PLAA: variants seen among roughly 807,000 people sequenced by gnomAD.
PLAA encodes the protein phospholipase A2 activating protein.
PLAA carries 48 observed loss-of-function variants against 84.1 expected under a neutral mutation model. That is an observed-to-expected ratio of 0.57 (90% CI 0.45 to 0.73). The LOEUF is 0.73. PLAA is among the 30% of genes least tolerant of loss of function. The pLI is 0.00. For missense variants in PLAA, 903 were observed against 954.7 expected, an observed-to-expected ratio of 0.95 and a Z score of 0.71; for synonymous variants, 392 against 336.6, an observed-to-expected ratio of 1.16 and a Z score of -1.80.
intron 2 of PLAA, among the ~76,000 whole-genome samples, chr9:26,933,279 C>A (rs1239360726): frequency 4.3e-5 from 6 of 140,764 alleles, no homozygotes; most frequent in East Asian, 2.1e-4. Flanking sequence ...AAAAAAAAAA[C>A]CATAAAAAAG....
chr9:26,941,293 G>A (rs1321412385), intron 1 of PLAA, among the ~76,000 whole-genome samples: 1 of 151,876 alleles, frequency 6.6e-6, no homozygotes, highest in African/African-American at 2.4e-5. Context: ...TGAATGGGGG[G>A]ACATAAGGAT....
intron 1 of PLAA, among the ~76,000 whole-genome samples, chr9:26,944,243 G>A (rs1003674801): frequency 1.3e-5 from 2 of 152,120 alleles, no homozygotes; most frequent in African/African-American, 4.8e-5. Flanking sequence ...CTCTCAAGAT[G>A]CCGATACCTT....
At chr9:26,911,246 G>C (rs1013204393) in intron 11 of PLAA, among the ~76,000 whole-genome samples, 4 of 152,100 alleles carry the variant, frequency 2.6e-5, no homozygotes, top group African/African-American at 9.7e-5. Context: ...TCCACCTCCT[G>C]AGTTCAAGCA....
intron 11 of PLAA, among the ~76,000 whole-genome samples, chr9:26,912,268 G>C (rs1824422865): frequency 6.6e-6 from 1 of 152,168 alleles, no homozygotes; most frequent in Non-Finnish European, 1.5e-5. Context: ...TATGCCAAAA[G>C]AAAACAGTGA....
At chr9:26,911,175 CAG>C (rs1314236854) in intron 11 of PLAA, among the ~76,000 whole-genome samples, 1 of 151,990 alleles carries the variant, frequency 6.6e-6, no homozygotes, top group Non-Finnish European at 1.5e-5. Context: ...TTTTTTGAGA[CAG>C]AGTCACGCTC....
chr9:26,923,478 G>GTAATCAGCA, intron 6 of PLAA, 131 bp from the exon 7 acceptor site: 3 of 676,026 alleles, frequency 4.4e-6, no homozygotes, highest in Non-Finnish European at 7.5e-6. Flanking sequence ...ATTAATTGCT[G>GTAATCAGCA]ATTACAGCAC....
intron 2 of PLAA, among the ~76,000 whole-genome samples, chr9:26,933,359 C>T (rs377681326): frequency 6.6e-5 from 10 of 151,236 alleles, no homozygotes; most frequent in East Asian, 5.9e-4. Context: ...CGCTTCAACC[C>T]GGGAGGCAGT....
rs562582462 is a variant in PLAA at position 26,907,635 on chromosome 9, C to T, written c.1822+199G>A. Reference sequence around the variant, plus strand: ...ATATATGGGGATCATATATTACCTTCAGATTCTCAAAAGGCATGTAACGGA... The same window carrying T: ...ATATATGGGGATCATATATTACCTTTAGATTCTCAAAAGGCATGTAACGGA... On this transcript the variant is annotated intron_variant, in intron 13 of 13. Transcript: ENST00000397292. 60 of 526,350 alleles carry T rather than the reference C, an allele frequency of 1.1e-4. 1 individual carries two copies. The South Asian group carries it at 1.4e-3, about 12-fold the overall frequency. The allele number at this position is 526,350 out of a possible 1,614,324, so 32.6% of individuals were successfully genotyped here. A position where few individuals can be genotyped will look rare whatever the true frequency, so the allele number is the denominator to read the frequency against.
intron 10 of PLAA, chr9:26,915,939 T>C (rs1321765581): frequency 1.0e-6 from 1 of 985,344 alleles, no homozygotes; most frequent in African/African-American, 1.7e-5. Context: ...GAGAAAGCCA[T>C]CTTATCTACT....
intron 2 of PLAA, among the ~76,000 whole-genome samples, chr9:26,932,562 A>C (rs952370650): frequency 2.0e-5 from 3 of 152,242 alleles, no homozygotes; most frequent in African/African-American, 7.2e-5. Context: ...ATGGCCTGAA[A>C]AGCAGAAAAT....
At chr9:26,940,964 C>T in intron 1 of PLAA, among the ~76,000 whole-genome samples, 1 of 151,914 alleles carries the variant, frequency 6.6e-6, no homozygotes, top group Non-Finnish European at 1.5e-5. Flanking sequence ...CTAAATCTAC[C>T]CACTATGTGT....
Position 26,946,942 on chromosome 9 carries a change from A to G in PLAA, c.104T>C (p.Val35Ala), listed in dbSNP as rs1322137641. Residue 35 changes from valine (V) to alanine (A), a missense_variant, in exon 1 of 14, where the codon GTG becomes GCG. Coordinates refer to ENST00000397292, the MANE Select transcript of PLAA (RefSeq NM_001031689.3). ...VCCAYPPGAFVSVSRDRTTRL... is the reference protein window; with the variant it reads ...VCCAYPPGAFASVSRDRTTRL... Reference sequence around the variant, plus strand: ...GGTGGTGCGGTCTCGGGACACGGACACAAAGGCTCCCGGCGGATAGGCGCA... The same window carrying G: ...GGTGGTGCGGTCTCGGGACACGGACGCAAAGGCTCCCGGCGGATAGGCGCA... 6.3e-6 allele frequency: 10 copies of G among 1,587,194 alleles called. No homozygotes were observed. The East Asian group carries it at 6.9e-5, about 11-fold the overall frequency.
chr9:26,913,833 A>C, intron 11 of PLAA, 46 bp downstream of exon 11: 1 of 1,373,006 alleles, frequency 7.3e-7, no homozygotes, highest in African/African-American at 1.5e-5. Context: ...AGTTCCAACG[A>C]ATTTTTAAAA....
Position 26,913,867 on chromosome 9 carries a change from A to G in PLAA, c.1555+12T>C, listed in dbSNP as rs778225031. ...AATCTAAAAAAAAGAAAAAGAAATA[A>G]AAAGTATGTACCTGTAAATGGATCA... is the stretch of plus-strand genomic sequence containing the variant. On this transcript the variant is annotated intron_variant, in intron 11 of 13. Coordinates refer to ENST00000397292, the MANE Select transcript of PLAA (RefSeq NM_001031689.3). 3.2e-6 allele frequency: 5 copies of G among 1,550,596 alleles called. No individual in the cohort carries two copies. The highest frequency in any genetic ancestry group is 4.4e-6 in the Non-Finnish European group (5 of 1,142,404).
At chr9:26,938,478 G>C (rs1249828462) in intron 1 of PLAA, among the ~76,000 whole-genome samples, 2 of 151,714 alleles carry the variant, frequency 1.3e-5, no homozygotes, top group Non-Finnish European at 2.9e-5. Context: ...CTTGAGCCTG[G>C]GAGTTTGAGA....
intron 11 of PLAA, among the ~76,000 whole-genome samples, chr9:26,913,385 T>C (rs1025378149): frequency 6.6e-6 from 1 of 152,160 alleles, no homozygotes; most frequent in Non-Finnish European, 1.5e-5. Context: ...GAACTATAGC[T>C]ATTCCAGGCA....
At chr9:26,916,770 A>G in intron 10 of PLAA, 1 of 750,000 alleles carries the variant, frequency 1.3e-6, no homozygotes, top group South Asian at 5.4e-5. Context: ...TCTCATAGCA[A>G]GTAAGTGGTA....
At chr9:26,926,315 C>G (rs996196507) in intron 5 of PLAA, 78 bp downstream of exon 5, 168 of 893,856 alleles carry the variant, frequency 1.9e-4, no homozygotes, top group Non-Finnish European at 2.7e-4. Context: ...GTAATCAGCT[C>G]TCCTCCCTCC....
rs753300259 is a variant in PLAA at position 26,923,262 on chromosome 9, G to A, written c.955C>T (p.His319Tyr). The change falls in exon 7 of 14, where the codon CAC becomes TAC. Residue 319 changes from histidine to tyrosine, a missense_variant. Coordinates refer to ENST00000397292, the MANE Select transcript of PLAA (RefSeq NM_001031689.3). ...CCAGTTTTAGAATCAATGGTTGCGTGAGACAGTTCTTTTTCAAAAGCCTTG... is the reference window on the plus strand; with the variant it reads ...CCAGTTTTAGAATCAATGGTTGCGTAAGACAGTTCTTTTTCAAAAGCCTTG... ...EIKAFEKELS[H>Y]ATIDSKTGDL... 1.9e-6 allele frequency: 3 copies of A among 1,613,798 alleles called. No homozygotes were observed. The highest frequency in any genetic ancestry group is 1.7e-5 in the Admixed American group (1 of 60,012).
Sources: gnomAD v4.1 joint callset for allele counts (sites outside exome capture counted in the v4.1 genomes callset) on GRCh38, gnomAD v4.1.1 for gene constraint, MANE v1.5 for transcripts, NCBI Gene and HGNC (gene_info 2026-07-23, HGNC 2026-07-21) for gene names.